ARHGAP24: variants seen among roughly 807,000 people sequenced by gnomAD.
The protein encoded by ARHGAP24 is Rho GTPase activating protein 24.
Under a neutral mutation model 76.4 loss-of-function variants are expected in ARHGAP24, and 50 were observed. That is an observed-to-expected ratio of 0.65 (90% CI 0.52 to 0.83). The LOEUF is 0.83. ARHGAP24 is among the 40% of genes least tolerant of loss of function. The pLI is 0.00. For missense variants in ARHGAP24, 930 were observed against 914.2 expected (o/e 1.02, Z -0.22); for synonymous variants, 345 against 323.3 (o/e 1.07, Z -0.72).
At chr4:85,664,385 A>G (rs1230489646) in intron 2 of ARHGAP24, among the ~76,000 whole-genome samples, 1 of 150,864 alleles carries the variant, frequency 6.6e-6, no homozygotes, top group Non-Finnish European at 1.5e-5. Context: ...CATTGTGTCT[A>G]TTTGATTCTT....
At chr4:85,531,012 TAAG>T (rs1725235424) in intron 1 of ARHGAP24, among the ~76,000 whole-genome samples, 5 of 152,182 alleles carry the variant, frequency 3.3e-5, no homozygotes, top group African/African-American at 1.2e-4. Context: ...ACAGATGACA[TAAG>T]CCAGATGGCT....
At chr4:85,665,464 A>T (rs1722575193) in intron 2 of ARHGAP24, among the ~76,000 whole-genome samples, 3 of 152,252 alleles carry the variant, frequency 2.0e-5, no homozygotes, top group Non-Finnish European at 1.5e-5. Flanking sequence ...TTGACTCCTT[A>T]TCCAATTTGC....
intron 1 of ARHGAP24, among the ~76,000 whole-genome samples, chr4:85,485,506 T>C (rs1689214141): frequency 6.7e-6 from 1 of 149,010 alleles, no homozygotes; most frequent in Admixed American, 6.8e-5. Flanking sequence ...TTTAAATAAA[T>C]GCTATGGTTG....
At chr4:85,897,653 C>G (rs772618128) in intron 3 of ARHGAP24, among the ~76,000 whole-genome samples, 92 of 152,234 alleles carry the variant, frequency 6.0e-4, no homozygotes, top group Non-Finnish European at 9.7e-4. Context: ...CCCCATGGCT[C>G]TCATATTGCT....
chr4:85,584,546 C>G (rs575894993), intron 2 of ARHGAP24, among the ~76,000 whole-genome samples: 1 of 151,880 alleles, frequency 6.6e-6, no homozygotes, highest in South Asian at 2.1e-4. Flanking sequence ...ACATATGTAA[C>G]TAACCTGCAC....
chr4:85,730,945 A>G (rs1725375200), intron 3 of ARHGAP24, among the ~76,000 whole-genome samples: 1 of 151,714 alleles, frequency 6.6e-6, no homozygotes, highest in South Asian at 2.1e-4. Flanking sequence ...CTGTACTGAT[A>G]TATGTCAGGC....
At position 85,977,652 on chromosome 4, in the gene ARHGAP24, C is replaced by T. The variant is rs1324863593; in HGVS notation, c.889C>T (p.Leu297=). 11 of 1,613,718 alleles carry T rather than the reference C, an allele frequency of 6.8e-6. No homozygotes were observed. Among genetic ancestry groups the T allele is most frequent in the East Asian group, 2.2e-5 (1 of 44,856 alleles). The change falls in exon 8 of 10, where the codon CTG becomes TTG. Residue 297 remains leucine (L), a synonymous_variant. Transcript: ENST00000395184. ...NLATVFGPNI[L]RPKVEDPLTI... is the part of the protein sequence containing the mutation. ...GGCAACGGTCTTTGGTCCTAATATC[C>T]TGCGCCCCAAAGTGGAAGATCCTTT...
At chr4:85,709,282 A>T (rs1418389468) in intron 2 of ARHGAP24, among the ~76,000 whole-genome samples, 1 of 152,134 alleles carries the variant, frequency 6.6e-6, no homozygotes, top group Non-Finnish European at 1.5e-5. Context: ...GGTTATATAG[A>T]TATAGTATCT....
chr4:85,640,197 A>G (rs1483540069), intron 2 of ARHGAP24, among the ~76,000 whole-genome samples: 1 of 152,164 alleles, frequency 6.6e-6, no homozygotes, highest in African/African-American at 2.4e-5. Flanking sequence ...GGTACCAGAC[A>G]GCTATTAATA....
chr4:85,565,948 C>T (rs1726826076), intron 1 of ARHGAP24, among the ~76,000 whole-genome samples: 1 of 152,166 alleles, frequency 6.6e-6, no homozygotes, highest in African/African-American at 2.4e-5. Flanking sequence ...CTTGGCCCAT[C>T]TGGTTGCAAC....
At chr4:85,482,727 G>A (rs1722864774) in intron 1 of ARHGAP24, among the ~76,000 whole-genome samples, 1 of 152,184 alleles carries the variant, frequency 6.6e-6, no homozygotes, top group South Asian at 2.1e-4. Context: ...GCCTTACTAT[G>A]TGCTAGTTTG....
intron 3 of ARHGAP24, among the ~76,000 whole-genome samples, chr4:85,852,135 G>T (rs1284430677): frequency 1.3e-5 from 2 of 152,150 alleles, no homozygotes; most frequent in South Asian, 4.1e-4. Flanking sequence ...CTTCTTGGAG[G>T]CTTTGTTTGT....
At chr4:85,895,989 T>C (rs905589832) in intron 3 of ARHGAP24, among the ~76,000 whole-genome samples, 1 of 152,210 alleles carries the variant, frequency 6.6e-6, no homozygotes, top group Non-Finnish European at 1.5e-5. Context: ...TGGTAGAGGG[T>C]ACTTCGCCAT....
At chr4:85,557,986 G>T (rs2065801505) in intron 1 of ARHGAP24, among the ~76,000 whole-genome samples, 1 of 152,142 alleles carries the variant, frequency 6.6e-6, no homozygotes, top group South Asian at 2.1e-4. Context: ...ACACCAGCTT[G>T]TCTCTGCATA....
intron 3 of ARHGAP24, among the ~76,000 whole-genome samples, chr4:85,818,462 CGTG>C (rs1397706687): frequency 6.6e-6 from 1 of 152,148 alleles, no homozygotes; most frequent in Non-Finnish European, 1.5e-5. Context: ...TCTTCAGAAA[CGTG>C]GTGAAGAAGG....
In ARHGAP24 at chr4:85,921,169, A is replaced by G. The variant is rs920009335; in HGVS notation, c.269-2479A>G. 4.6e-5 allele frequency among the ~76,000 whole-genome samples: 7 copies of G among 152,234 alleles called. 1 individual carries two copies. The East Asian group carries it at 1.2e-3, about 25-fold the overall frequency. On this transcript the variant is annotated intron_variant, in intron 3 of 9. Coordinates refer to ENST00000395184, the MANE Select transcript of ARHGAP24 (RefSeq NM_001025616.3). ...ACAGACTGGATAAAGAAAATGTGTT[A>G]CACGTACACCACGGAACACTATGTA...
chr4:85,984,815 C>A (rs1463035285), intron 8 of ARHGAP24, among the ~76,000 whole-genome samples: 1 of 152,018 alleles, frequency 6.6e-6, no homozygotes, highest in Non-Finnish European at 1.5e-5. Flanking sequence ...AAAAACAACT[C>A]TTTTATTTTA....
At chr4:85,683,126 G>T (rs1262289958) in intron 2 of ARHGAP24, among the ~76,000 whole-genome samples, 1 of 87,532 alleles carries the variant, frequency 1.1e-5, no homozygotes, top group African/African-American at 6.0e-5. Flanking sequence ...GTGGGGGGGG[G>T]GTGCGGGGGC....
chr4:85,622,879 G>T (rs1282544624), intron 2 of ARHGAP24, among the ~76,000 whole-genome samples: 2 of 152,030 alleles, frequency 1.3e-5, no homozygotes, highest in African/African-American at 4.8e-5. Context: ...GTGTTTTTTG[G>T]CTGCATAAAT....
Sources: gnomAD v4.1 joint callset for allele counts (sites outside exome capture counted in the v4.1 genomes callset) on GRCh38, gnomAD v4.1.1 for gene constraint, MANE v1.5 for transcripts, NCBI Gene and HGNC (gene_info 2026-07-23, HGNC 2026-07-21) for gene names.